MTMR8: variants seen among roughly 807,000 people sequenced by gnomAD.
The protein encoded by MTMR8 is myotubularin related protein 8, also known as phosphatidylinositol-3,5-bisphosphate 3-phosphatase MTMR8.
A neutral mutation model predicts 39.3 loss-of-function variants in MTMR8; 65 were observed. The ratio of observed to expected loss-of-function variants is 1.65; its 90% confidence interval spans 1.35 to 2.03. The LOEUF is 2.03. Among genes scored for constraint, MTMR8 ranks in the 30% most tolerant of loss-of-function variants. The pLI, the probability that MTMR8 is intolerant of heterozygous loss-of-function variation, is 0.00. For missense variants in MTMR8, 777 were observed against 538.9 expected (o/e 1.44, Z -4.37); for synonymous variants, 245 against 185.2 (o/e 1.32, Z -2.62).
intron 12 of MTMR8, among the ~76,000 whole-genome samples, chrX:64,301,947 G>A (rs1239814473): frequency 8.9e-6 from 1 of 111,984 alleles, no homozygotes. Flanking sequence ...CTGCGTGCTG[G>A]GAGACCCACT....
intron 1 of MTMR8, among the ~76,000 whole-genome samples, chrX:64,389,957 G>A (rs1261709077): frequency 2.7e-5 from 3 of 111,904 alleles, no homozygotes; most frequent in Non-Finnish European, 5.6e-5. Flanking sequence ...GCCAACTGGA[G>A]TTGCAATTTT....
In MTMR8 at chrX:64,354,819, G is replaced by C. The variant is rs757435300; in HGVS notation, c.426C>G (p.Pro142=). Reference sequence around the variant, plus strand: ...CATCTGTTATGGTCCAGTTTCTGTTGGGTATTCCCATACGCCCAAAGTCTG... The same window carrying C: ...CATCTGTTATGGTCCAGTTTCTGTTCGGTATTCCCATACGCCCAAAGTCTG... ...PISDFGRMGI[P]NRNWTITDAN... The change falls in exon 4 of 14, where the codon CCC becomes CCG. Residue 142 remains proline, a synonymous_variant. Coordinates refer to ENST00000374852, the MANE Select transcript of MTMR8 (RefSeq NM_017677.4). 2 of 1,204,834 alleles carry C rather than the reference G, an allele frequency of 1.7e-6. No homozygotes were observed. Among genetic ancestry groups the C allele is most frequent in the Non-Finnish European group, 2.2e-6 (2 of 892,081 alleles).
chrX:64,362,955 C>T (rs1252571450), intron 1 of MTMR8, among the ~76,000 whole-genome samples: 3 of 110,584 alleles, frequency 2.7e-5, no homozygotes, highest in East Asian at 5.7e-4. Context: ...AAGAGGCAAT[C>T]CCAGAAGCAT....
At chrX:64,351,395 C>T (rs769158618) in intron 4 of MTMR8, among the ~76,000 whole-genome samples, 2 of 111,460 alleles carry the variant, frequency 1.8e-5, no homozygotes, top group South Asian at 3.8e-4. Flanking sequence ...TAAAGATGAA[C>T]GATTCAGGAA....
intron 5 of MTMR8, among the ~76,000 whole-genome samples, chrX:64,349,331 G>C (rs144261744): frequency 1.8e-5 from 2 of 111,460 alleles, no homozygotes; most frequent in Non-Finnish European, 3.8e-5. Context: ...CATGAAATTC[G>C]TTACACTTTG....
At chrX:64,286,274 A>C (rs1921172222) in intron 12 of MTMR8, among the ~76,000 whole-genome samples, 1 of 112,219 alleles carries the variant, frequency 8.9e-6, no homozygotes, top group South Asian at 3.7e-4. Context: ...AGAGCAAACC[A>C]GGAAGATGTT....
intron 12 of MTMR8, among the ~76,000 whole-genome samples, chrX:64,321,206 A>C (rs1290877863): frequency 8.9e-6 from 1 of 111,963 alleles, no homozygotes; most frequent in Non-Finnish European, 1.9e-5. Context: ...ATTCATAGGA[A>C]AAACAATTAA....
intron 1 of MTMR8, among the ~76,000 whole-genome samples, chrX:64,366,890 A>T (rs1346936025): frequency 8.9e-6 from 1 of 112,005 alleles, no homozygotes; most frequent in African/African-American, 3.2e-5. Flanking sequence ...GAGAAGAATC[A>T]AATAGATGCA....
intron 12 of MTMR8, among the ~76,000 whole-genome samples, chrX:64,308,234 A>AT (rs1226824253): frequency 1.0e-3 from 111 of 109,065 alleles, no homozygotes; most frequent in African/African-American, 3.6e-3. Flanking sequence ...TTTTATTATT[A>AT]TTTTTTGAGA....
chrX:64,278,592 G>A (rs779629356), intron 12 of MTMR8, among the ~76,000 whole-genome samples: 16 of 97,966 alleles, frequency 1.6e-4, no homozygotes, highest in Admixed American at 7.3e-4. Flanking sequence ...CCCTGCCTCA[G>A]CCTCCTGAGG....
At chrX:64,301,731 A>G in intron 12 of MTMR8, among the ~76,000 whole-genome samples, 1 of 110,689 alleles carries the variant, frequency 9.0e-6, no homozygotes, top group Middle Eastern at 4.6e-3. Flanking sequence ...GTCTTTGATG[A>G]TGGTGATGTA....
intron 12 of MTMR8, among the ~76,000 whole-genome samples, chrX:64,302,732 T>G (rs1383724563): frequency 8.9e-6 from 1 of 112,536 alleles, no homozygotes; most frequent in Non-Finnish European, 1.9e-5. Flanking sequence ...CATTAGAGCC[T>G]GCCTGCTTTA....
At chrX:64,272,635 T>C (rs1490031041) in intron 12 of MTMR8, among the ~76,000 whole-genome samples, 1 of 111,019 alleles carries the variant, frequency 9.0e-6, no homozygotes, top group Non-Finnish European at 1.9e-5. Flanking sequence ...GAAAACCCCC[T>C]AAATCTGAGG....
chrX:64,381,063 A>G lies in MTMR8; in HGVS notation c.24+14277T>C, dbSNP rs1027089798. ...AGTGCCGCAATAAACATATGTGCACATGTGTCTTTATAGCAGCATGACTTA... is the reference window on the plus strand; with the variant it reads ...AGTGCCGCAATAAACATATGTGCACGTGTGTCTTTATAGCAGCATGACTTA... On this transcript the variant is annotated intron_variant, in intron 1 of 13. Transcript: ENST00000374852. 2.7e-5 allele frequency among the ~76,000 whole-genome samples: 3 copies of G among 112,191 alleles called. No homozygotes were observed. In the Admixed American group the frequency reaches 2.8e-4, roughly 11 times the overall value.
intron 1 of MTMR8, among the ~76,000 whole-genome samples, chrX:64,367,247 T>TA (rs1390699741): frequency 8.9e-6 from 1 of 112,080 alleles, no homozygotes; most frequent in Non-Finnish European, 1.9e-5. Context: ...GAATCCTCCC[T>TA]AACTCATTTT....
intron 12 of MTMR8, among the ~76,000 whole-genome samples, chrX:64,286,363 A>T (rs1176100857): frequency 8.9e-6 from 1 of 112,227 alleles, no homozygotes. Context: ...AAGGATTCAC[A>T]GCCAAATTCT....
intron 12 of MTMR8, among the ~76,000 whole-genome samples, chrX:64,288,200 C>A (rs1172253337): frequency 1.9e-4 from 21 of 109,319 alleles, no homozygotes; most frequent in African/African-American, 6.9e-4. Flanking sequence ...GGTAAAGGAT[C>A]TGAACAGACA....
intron 1 of MTMR8, among the ~76,000 whole-genome samples, chrX:64,369,629 G>A (rs935979715): frequency 9.0e-6 from 1 of 110,861 alleles, no homozygotes; most frequent in Non-Finnish European, 1.9e-5. Flanking sequence ...GAGGGGGCAG[G>A]GGAAGCGATA....
intron 12 of MTMR8, among the ~76,000 whole-genome samples, chrX:64,296,603 A>C (rs1461706133): frequency 9.8e-6 from 1 of 101,841 alleles, no homozygotes; most frequent in East Asian, 3.1e-4. Flanking sequence ...ATTATACTTT[A>C]AGTTTTAGGG....
Sources: gnomAD v4.1 joint callset for allele counts (sites outside exome capture counted in the v4.1 genomes callset) on GRCh38, gnomAD v4.1.1 for gene constraint, MANE v1.5 for transcripts, NCBI Gene and HGNC (gene_info 2026-07-23, HGNC 2026-07-21) for gene names.